The following GSN variants were observed in gnomAD, a reference collection of about 807,000 sequenced individuals.
GSN encodes gelsolin.
A neutral mutation model predicts 85.7 loss-of-function variants in GSN; 56 were observed. The ratio of observed to expected loss-of-function variants is 0.65; its 90% CI spans 0.53 to 0.82. The LOEUF (loss-of-function observed/expected upper bound fraction) is 0.82. Among genes scored for constraint, GSN ranks in the 40% least tolerant of loss-of-function variants. The probability of loss-of-function intolerance (pLI) is 0.00; values close to 1 mark genes in which losing one functional copy is unlikely to be tolerated. For synonymous variants in GSN, 373 were observed against 399.1 expected (o/e 0.93, Z 0.78); for missense variants, 857 against 979.8 (o/e 0.87, Z 1.67).
intron 4 of GSN, among the ~76,000 whole-genome samples, chr9:121,219,089 G>A (rs142290415): frequency 3.3e-5 from 5 of 152,072 alleles, no homozygotes; most frequent in Non-Finnish European, 1.5e-5. Context: ...TCAGAGTCCT[G>A]AGGATGCTTC....
chr9:121,221,949 G>A (rs1256370819), intron 4 of GSN, among the ~76,000 whole-genome samples: 2 of 152,110 alleles, frequency 1.3e-5, no homozygotes, highest in Admixed American at 1.3e-4. Flanking sequence ...GCTTCTTAAG[G>A]GGTCTCCTTA....
upstream of GSN, among the ~76,000 whole-genome samples, chr9:121,207,539 G>T (rs1347280335): frequency 2.0e-5 from 3 of 152,186 alleles, no homozygotes; most frequent in South Asian, 2.1e-4. Flanking sequence ...TAGGACAAAG[G>T]GCAGTCAGTG....
intron 4 of GSN, among the ~76,000 whole-genome samples, chr9:121,227,591 C>T (rs956705471): frequency 1.3e-5 from 2 of 152,004 alleles, no homozygotes; most frequent in Non-Finnish European, 2.9e-5. Context: ...GGGACTGAGC[C>T]CTTCACCTGT....
At chr9:121,320,568 C>T (rs906272641) in intron 10 of GSN, among the ~76,000 whole-genome samples, 1 of 151,736 alleles carries the variant, frequency 6.6e-6, no homozygotes, top group Non-Finnish European at 1.5e-5. Flanking sequence ...TTGATTGAAC[C>T]CGGGAGGCAG....
At chr9:121,304,212 C>A (rs1162311736) in intron 4 of GSN, among the ~76,000 whole-genome samples, 1 of 152,108 alleles carries the variant, frequency 6.6e-6, no homozygotes, top group Non-Finnish European at 1.5e-5. Context: ...GGGAAAGTGC[C>A]AGTGAGACTC....
At chr9:121,204,720 T>G (rs7026555), upstream of GSN, among the ~76,000 whole-genome samples, 106,153 of 152,136 alleles carry the variant, frequency 0.7, 37,533 homozygotes, top group East Asian at 0.96. Flanking sequence ...AGAGACAAAC[T>G]AAATGTCTAT....
At chr9:121,271,667 G>A (rs907754981) in intron 1 of GSN, among the ~76,000 whole-genome samples, 2 of 152,208 alleles carry the variant, frequency 1.3e-5, no homozygotes, top group Non-Finnish European at 2.9e-5. Flanking sequence ...TTTATGAGGG[G>A]TGGGTGTCGG....
chr9:121,207,390 A>C (rs1185035414), upstream of GSN, among the ~76,000 whole-genome samples: 1 of 152,196 alleles, frequency 6.6e-6, no homozygotes, highest in Non-Finnish European at 1.5e-5. Flanking sequence ...CACACAGTGG[A>C]TTGTATTACA....
intron 1 of GSN, chr9:121,208,012 CTT>C (rs1259880461): frequency 1.3e-5 from 2 of 151,812 alleles, no homozygotes; most frequent in Non-Finnish European, 1.5e-5. Flanking sequence ...GTCTTGAACT[CTT>C]GAGCTCAAGG....
At chr9:121,229,536 GAA>G (rs2054346630) in intron 4 of GSN, among the ~76,000 whole-genome samples, 1 of 152,154 alleles carries the variant, frequency 6.6e-6, no homozygotes, top group African/African-American at 2.4e-5. Context: ...GAAATTTTGA[GAA>G]ATCCAAGCCA....
intron 5 of GSN, among the ~76,000 whole-genome samples, chr9:121,236,520 A>G (rs2054497171): frequency 6.6e-6 from 1 of 152,142 alleles, no homozygotes; most frequent in South Asian, 2.1e-4. Flanking sequence ...GCCAACATGT[A>G]TTTTCATTTA....
At chr9:121,331,267 G>C in intron 16 of GSN, 121 bp from the exon 17 acceptor site, 1 of 705,706 alleles carries the variant, frequency 1.4e-6, no homozygotes, top group Non-Finnish European at 2.6e-6. Context: ...TTAGTTCATG[G>C]GCTCTGTTAG....
intron 1 of GSN, chr9:121,281,238 AAGAG>A (rs1034204179): frequency 1.7e-5 from 4 of 232,400 alleles, no homozygotes; most frequent in Non-Finnish European, 2.6e-5. Flanking sequence ...AAGGCATAAG[AAGAG>A]AGAGATTTTA....
chr9:121,321,874 T>TG (rs2133770268), intron 11 of GSN, among the ~76,000 whole-genome samples: 1 of 152,242 alleles, frequency 6.6e-6, no homozygotes, highest in Admixed American at 6.5e-5. Flanking sequence ...CTCTAGTAGC[T>TG]GGGATTACAG....
rs1336619779 is a variant in GSN at position 121,326,583 on chromosome 9, C to T, written c.1488C>T (p.Tyr496=). The T allele has an allele frequency of 1.2e-6, 2 of 1,613,546 alleles. No individual in the cohort carries two copies. Among genetic ancestry groups the T allele is most frequent in the Admixed American group, 1.7e-5 (1 of 59,986 alleles). ...TTGGTGGGAAGCCCATGATCATCTA[C>T]AAGGGCGGCACCTCCCGCGAGGGCG... ...SLFGGKPMII[Y]KGGTSREGGQ... Residue 496 remains tyrosine (Y), a synonymous_variant, in exon 13 of 18, where the codon TAC becomes TAT. Transcript: ENST00000432226.
Position 121,209,383 on chromosome 9 carries a change from C to T in GSN, c.-720C>T, listed in dbSNP as rs576227227. On this transcript the variant is annotated 5_prime_UTR_variant, in exon 2 of 25. Coordinates refer to the GSN transcript ENST00000373823. The stretch of plus-strand genomic sequence containing the variant: ...ACCAGGACTAAGGAAAGGAGATTCC[C>T]TTCTACCATCCATGGTGAGCAAAGA... The T allele has an allele frequency of 3.3e-5, 5 of 150,202 alleles. No individual in the cohort carries two copies. The Admixed American group carries it at 3.3e-4, about 10-fold the overall frequency. 9.3% of individuals were successfully genotyped at this position (150,202 alleles called of 1,614,324 possible). A position where few individuals can be genotyped will look rare whatever the true frequency, so the allele number is the denominator to read the frequency against.
At chr9:121,263,680 C>T (rs1564365189), upstream of GSN, among the ~76,000 whole-genome samples, 1 of 151,916 alleles carries the variant, frequency 6.6e-6, no homozygotes, top group African/African-American at 2.4e-5. Flanking sequence ...CACCTGAGGT[C>T]GGGAGTTCGA....
chr9:121,256,803 C>T (rs2054971500), intron 6 of GSN, among the ~76,000 whole-genome samples: 1 of 151,948 alleles, frequency 6.6e-6, no homozygotes, highest in Non-Finnish European at 1.5e-5. Flanking sequence ...ACAGGAGAAT[C>T]GCTTGAACCC....
chr9:121,218,208 A>G (rs1027086900), intron 4 of GSN, among the ~76,000 whole-genome samples: 6 of 152,258 alleles, frequency 3.9e-5, no homozygotes, highest in African/African-American at 1.4e-4. Flanking sequence ...AACCTGAAAT[A>G]AACAGCAGAG....
Sources: gnomAD v4.1 joint callset for allele counts (sites outside exome capture counted in the v4.1 genomes callset) on GRCh38, gnomAD v4.1.1 for gene constraint, MANE v1.5 for transcripts, NCBI Gene and HGNC (gene_info 2026-07-23, HGNC 2026-07-21) for gene names.